Variants in SNTG1 observed in about 807,000 individuals in gnomAD.
SNTG1 encodes the protein syntrophin gamma 1.
A neutral mutation model predicts 74.7 loss-of-function variants in SNTG1; 39 were observed. That is an observed-to-expected ratio of 0.52 (90% CI 0.40 to 0.68). The LOEUF (loss-of-function observed/expected upper bound fraction) is 0.68, where lower values mean the gene tolerates loss of function less well. Among genes scored for constraint, SNTG1 ranks in the 30% least tolerant of loss-of-function variants. The probability of loss-of-function intolerance (pLI) is 0.00; values close to 1 mark genes in which losing one functional copy is unlikely to be tolerated. For synonymous variants in SNTG1, 254 were observed against 217.1 expected, an observed-to-expected ratio of 1.17 and a Z score of -1.49; for missense variants, 685 against 609.5, an observed-to-expected ratio of 1.12 and a Z score of -1.30.
intron 13 of SNTG1, among the ~76,000 whole-genome samples, chr8:50,641,971 A>C (rs2095076397): frequency 6.6e-6 from 1 of 152,236 alleles, no homozygotes; most frequent in Admixed American, 6.5e-5. Flanking sequence ...AGACTAGACC[A>C]TGCCTTAGAA....
chr8:50,125,441 G>A (rs2081108498), intron 1 of SNTG1, among the ~76,000 whole-genome samples: 2 of 142,036 alleles, frequency 1.4e-5, no homozygotes, highest in Non-Finnish European at 1.6e-5. Flanking sequence ...TCTTTAAATA[G>A]ACATTAGGTT....
rs749348610 is a variant in SNTG1, at chr8:50,244,891, GGATA to G, written c.-28+72263_-28+72266del. Among the ~76,000 whole-genome samples, 32 of 152,218 alleles carry G rather than the reference GGATA, an allele frequency of 2.1e-4. 1 individual carries two copies. The highest frequency in any genetic ancestry group is 6.2e-4 in the South Asian group (3 of 4,816). ...ATAAACCTAATTCAAAGAGAGAAAA[GGATA>G]GATAGACATTCTACAAAGCTAGGAT... On this transcript the variant is annotated intron_variant, in intron 2 of 18. Coordinates refer to ENST00000642720, the MANE Select transcript of SNTG1 (RefSeq NM_018967.5).
chr8:50,681,176 A>G (rs1381276281), intron 15 of SNTG1, among the ~76,000 whole-genome samples: 1 of 152,180 alleles, frequency 6.6e-6, no homozygotes, highest in Non-Finnish European at 1.5e-5. Context: ...TATTTTGGCC[A>G]GAATACCAAT....
chr8:50,386,804 G>A (rs976763579), intron 2 of SNTG1, among the ~76,000 whole-genome samples: 1 of 152,116 alleles, frequency 6.6e-6, no homozygotes, highest in Non-Finnish European at 1.5e-5. Context: ...GCATTCATGA[G>A]TGATCTGCCT....
intron 8 of SNTG1, among the ~76,000 whole-genome samples, chr8:50,484,133 T>TTTCTTTCTTTCTTTCC (rs1563453385): frequency 1.8e-4 from 14 of 77,320 alleles, no homozygotes; most frequent in Admixed American, 1.8e-3. Flanking sequence ...TCTTTCTTTC[T>TTTCTTTCTTTCTTTCC]TTCCTTCTTT....
chr8:50,450,783 T>C (rs1253037502), intron 8 of SNTG1, 54 bp downstream of exon 8: 8 of 1,541,574 alleles, frequency 5.2e-6, no homozygotes, highest in Non-Finnish European at 7.1e-6. Context: ...AATAAGAATT[T>C]AGTGCATTGC....
At chr8:50,236,596 G>A (rs1015293588) in intron 2 of SNTG1, among the ~76,000 whole-genome samples, 2 of 151,430 alleles carry the variant, frequency 1.3e-5, no homozygotes, top group African/African-American at 4.8e-5. Context: ...GACTACAGGC[G>A]CCCGCCACTG....
chr8:50,249,186 C>G (rs1043642506), intron 2 of SNTG1, among the ~76,000 whole-genome samples: 3 of 152,166 alleles, frequency 2.0e-5, no homozygotes, highest in African/African-American at 4.8e-5. Context: ...TCTTCTAGTC[C>G]TTACAGGCCC....
At chr8:50,734,796 G>GAC (rs2095522344) in intron 17 of SNTG1, among the ~76,000 whole-genome samples, 1 of 77,084 alleles carries the variant, frequency 1.3e-5, no homozygotes. Context: ...TATATATATG[G>GAC]ACATATATAT....
chr8:50,632,855 C>G (rs889602977), intron 13 of SNTG1, among the ~76,000 whole-genome samples: 1 of 152,156 alleles, frequency 6.6e-6, no homozygotes, highest in Non-Finnish European at 1.5e-5. Flanking sequence ...AAGATGTCAG[C>G]TGTGCCATAA....
intron 1 of SNTG1, among the ~76,000 whole-genome samples, chr8:50,068,940 T>A (rs867139406): frequency 2.0e-5 from 3 of 152,330 alleles, no homozygotes; most frequent in Non-Finnish European, 2.9e-5. Context: ...TATAAAGCTA[T>A]CATGTCTGAT....
chr8:50,163,777 C>G (rs974124414), intron 1 of SNTG1: 2 of 152,112 alleles, frequency 1.3e-5, no homozygotes, highest in Non-Finnish European at 2.9e-5. Flanking sequence ...CCACCACACT[C>G]GGCCCATGAA....
intron 13 of SNTG1, among the ~76,000 whole-genome samples, chr8:50,613,166 C>T (rs1184116056): frequency 6.6e-6 from 1 of 152,086 alleles, no homozygotes; most frequent in Non-Finnish European, 1.5e-5. Flanking sequence ...TGCTAGAGTG[C>T]AATTCAAATC....
chr8:49,991,016 T>C (rs149083623), intron 1 of SNTG1, among the ~76,000 whole-genome samples: 19 of 152,176 alleles, frequency 1.2e-4, no homozygotes, highest in African/African-American at 4.3e-4. Flanking sequence ...CCTAGAAAAC[T>C]GGAAAAAGTG....
intron 4 of SNTG1, among the ~76,000 whole-genome samples, chr8:50,430,879 A>G (rs908804586): frequency 6.6e-6 from 1 of 152,332 alleles, no homozygotes; most frequent in African/African-American, 2.4e-5. Context: ...AGGAATCGAC[A>G]TGGAATTCCG....
At chr8:49,962,525 G>A (rs1174761552) in intron 1 of SNTG1, among the ~76,000 whole-genome samples, 3 of 151,828 alleles carry the variant, frequency 2.0e-5, no homozygotes, top group African/African-American at 2.4e-5. Flanking sequence ...TGCCACTCAA[G>A]GCCCATGTGA....
intron 18 of SNTG1, among the ~76,000 whole-genome samples, chr8:50,765,521 C>T (rs2095611451): frequency 6.6e-6 from 1 of 151,876 alleles, no homozygotes; most frequent in Non-Finnish European, 1.5e-5. Flanking sequence ...GGTGTCCTTA[C>T]ATTCATTTTA....
At chr8:50,580,255 T>C (rs2094601707) in intron 12 of SNTG1, among the ~76,000 whole-genome samples, 1 of 152,236 alleles carries the variant, frequency 6.6e-6, no homozygotes, top group South Asian at 2.1e-4. Flanking sequence ...ATTTACTCAA[T>C]TCCTGTACCC....
At chr8:50,259,050 A>C (rs1297194199) in intron 2 of SNTG1, among the ~76,000 whole-genome samples, 2 of 152,176 alleles carry the variant, frequency 1.3e-5, no homozygotes, top group African/African-American at 2.4e-5. Flanking sequence ...AAAGATTAAG[A>C]TACAAAGGGA....
Sources: allele counts gnomAD v4.1 joint callset (sites outside exome capture counted in the v4.1 genomes callset), GRCh38; gene constraint gnomAD v4.1.1; transcripts MANE v1.5; gene names NCBI Gene and HGNC (gene_info 2026-07-23, HGNC 2026-07-21).